The following CLIC5 variants were observed in gnomAD, a reference collection of about 807,000 sequenced individuals.
CLIC5 encodes chloride intracellular channel protein 5.
CLIC5 carries 20 observed loss-of-function variants against 24.7 expected under a neutral mutation model. The observed-to-expected ratio is 0.81, with a 90% CI of 0.57 to 1.18. CLIC5 has a LOEUF of 1.18. Ranked by LOEUF, CLIC5 falls within the 50% of genes most tolerant of loss-of-function variation. The pLI is 0.00. For missense variants in CLIC5, 341 were observed against 326.1 expected (o/e 1.05, Z -0.35); for synonymous variants, 159 against 135.6 (o/e 1.17, Z -1.20).
At chr6:46,000,608 G>T (rs968055012) in intron 1 of CLIC5, among the ~76,000 whole-genome samples, 1 of 152,136 alleles carries the variant, frequency 6.6e-6, no homozygotes, top group African/African-American at 2.4e-5. Context: ...TCACGGTTCC[G>T]CAGGGCTGGG....
chr6:45,903,129 A>G lies in CLIC5; in HGVS notation c.715T>C (p.Leu239=), dbSNP rs763539403. The change falls in exon 6 of 6, where the codon TTG becomes CTG. Residue 239 remains leucine (L), a synonymous_variant. Transcript: ENST00000339561. ...NTCAADSEIE[L]AYADVAKRLS... ...CGTTTGGCGACATCAGCGTAGGCCA[A>G]CTCGATCTCACTGTCAGCTGCACAG... The G allele has an allele frequency of 2.5e-6, 4 of 1,613,956 alleles. No individual in the cohort carries two copies. The highest frequency in any genetic ancestry group is 1.7e-5 in the Admixed American group (1 of 59,992).
intron 1 of CLIC5, among the ~76,000 whole-genome samples, chr6:46,036,493 G>A (rs1270994043): frequency 6.6e-6 from 1 of 151,910 alleles, no homozygotes; most frequent in Non-Finnish European, 1.5e-5. Flanking sequence ...TGTATTTTCA[G>A]TAGAGACGGG....
At chr6:46,007,579 T>G (rs1406330369) in intron 1 of CLIC5, among the ~76,000 whole-genome samples, 1 of 152,150 alleles carries the variant, frequency 6.6e-6, no homozygotes, top group East Asian at 1.9e-4. Context: ...GCCTCAGGGC[T>G]CTCCTTATTC....
chr6:45,927,909 C>T (rs1299087368), intron 4 of CLIC5, among the ~76,000 whole-genome samples: 7 of 152,124 alleles, frequency 4.6e-5, no homozygotes, highest in Admixed American at 4.6e-4. Context: ...GGGGGTTATT[C>T]TTCCTCTAAA....
chr6:45,936,078 C>A (rs1223488786), intron 4 of CLIC5, among the ~76,000 whole-genome samples: 4 of 152,008 alleles, frequency 2.6e-5, no homozygotes, highest in Non-Finnish European at 5.9e-5. Flanking sequence ...GTGATTGATC[C>A]TTGGGCATCG....
intron 5 of CLIC5, chr6:45,913,926 C>A: frequency 1.5e-6 from 1 of 647,290 alleles, no homozygotes; most frequent in Non-Finnish European, 2.2e-6. Context: ...TATACAACAA[C>A]GATAATTGCG....
the CLIC5 span, among the ~76,000 whole-genome samples, chr6:46,093,592 C>T: frequency 6.6e-6 from 1 of 152,172 alleles, no homozygotes; most frequent in Non-Finnish European, 1.5e-5. Context: ...CTACACACCA[C>T]TAATATGGCT....
At chr6:46,018,604 G>A (rs899315075), upstream of CLIC5, 1 of 152,178 alleles carries the variant, frequency 6.6e-6, no homozygotes, top group African/African-American at 2.4e-5. Context: ...ACCCTTTAAT[G>A]TTAAAGAATA....
At chr6:45,964,102 G>A (rs187415056) in intron 1 of CLIC5, among the ~76,000 whole-genome samples, 231 of 152,252 alleles carry the variant, frequency 1.5e-3, no homozygotes, top group Admixed American at 8.8e-3. Context: ...CATGCCTTGG[G>A]AGAGCCCAAA....
chr6:45,961,336 A>T (rs566015118), intron 1 of CLIC5, among the ~76,000 whole-genome samples: 1 of 152,306 alleles, frequency 6.6e-6, no homozygotes, highest in Non-Finnish European at 1.5e-5. Context: ...GGAATGCTAT[A>T]CTCCAGTTCT....
intron 1 of CLIC5, among the ~76,000 whole-genome samples, chr6:46,029,824 T>A (rs1037342448): frequency 6.6e-6 from 1 of 152,168 alleles, no homozygotes; most frequent in Non-Finnish European, 1.5e-5. Flanking sequence ...GATCAACAAG[T>A]AGTTCGCTCC....
chr6:45,990,822 G>T (rs1444555258), intron 1 of CLIC5, among the ~76,000 whole-genome samples: 2 of 152,214 alleles, frequency 1.3e-5, no homozygotes, highest in Admixed American at 1.3e-4. Flanking sequence ...ACAGGTTGTT[G>T]TTTGATTGGT....
chr6:45,948,286 C>T (rs1446928943), intron 3 of CLIC5, among the ~76,000 whole-genome samples: 4 of 152,156 alleles, frequency 2.6e-5, no homozygotes, highest in Non-Finnish European at 5.9e-5. Flanking sequence ...CTTCCTACTC[C>T]TCTCCCCCGA....
intron 2 of CLIC5, among the ~76,000 whole-genome samples, chr6:45,951,557 C>A (rs1234145256): frequency 6.6e-6 from 1 of 151,852 alleles, no homozygotes; most frequent in Non-Finnish European, 1.5e-5. Flanking sequence ...GGTCAGAATG[C>A]AAGAGCAAGA....
At position 45,943,812 on chromosome 6, in the gene CLIC5, T is replaced by G. The variant is rs553062481; in HGVS notation, c.300-2159A>C. 2.0e-5 allele frequency among the ~76,000 whole-genome samples: 3 copies of G among 152,312 alleles called. No homozygotes were observed. In the South Asian group the frequency reaches 6.2e-4, roughly 32 times the overall value. On this transcript the variant is annotated intron_variant, in intron 3 of 5. Transcript: ENST00000339561. ...GGGGCTGTGGTGGTGTCATCCTGTTTCCCAAGCACTAGGACTCGTTGTGAT... is the reference window on the plus strand; with the variant it reads ...GGGGCTGTGGTGGTGTCATCCTGTTGCCCAAGCACTAGGACTCGTTGTGAT...
the CLIC5 span, among the ~76,000 whole-genome samples, chr6:46,090,407 T>G: frequency 1.3e-5 from 2 of 149,492 alleles, no homozygotes; most frequent in East Asian, 4.0e-4. Flanking sequence ...CTTGATGGGT[T>G]TTTTTTTTTT....
At chr6:46,004,779 T>C (rs1766489851) in intron 1 of CLIC5, among the ~76,000 whole-genome samples, 1 of 152,216 alleles carries the variant, frequency 6.6e-6, no homozygotes, top group African/African-American at 2.4e-5. Context: ...TAACTTTCCC[T>C]ACACAGCTCC....
At chr6:46,097,907 T>C in the CLIC5 span, among the ~76,000 whole-genome samples, 3 of 152,142 alleles carry the variant, frequency 2.0e-5, no homozygotes, top group Non-Finnish European at 2.9e-5. Context: ...ACTGCATTAT[T>C]TTCTCCTGGA....
chr6:45,881,575 T>C (rs915277963), intron 6 of CLIC5, among the ~76,000 whole-genome samples: 3 of 152,198 alleles, frequency 2.0e-5, no homozygotes, highest in Non-Finnish European at 4.4e-5. Flanking sequence ...TGGTTTATTT[T>C]TGTTTGCATT....
Sources: allele counts gnomAD v4.1 joint callset (sites outside exome capture counted in the v4.1 genomes callset), GRCh38; gene constraint gnomAD v4.1.1; transcripts MANE v1.5; gene names NCBI Gene and HGNC (gene_info 2026-07-23, HGNC 2026-07-21).